Variants in INTU observed in about 807,000 individuals in gnomAD.
INTU encodes the protein protein inturned.
In INTU, 68 loss-of-function variants were observed where a neutral mutation model predicts 100.5. That is an observed-to-expected ratio of 0.68 (90% CI 0.56 to 0.83). The LOEUF (loss-of-function observed/expected upper bound fraction) is 0.83. INTU is among the 40% of genes least tolerant of loss of function. The pLI is 0.00. For synonymous variants in INTU, 357 were observed against 395.7 expected (o/e 0.90, Z 1.16); for missense variants, 1,071 against 1,114.7 (o/e 0.96, Z 0.56).
At chr4:127,633,238 G>A in intron 1 of INTU, 58 bp downstream of exon 1, 1 of 1,559,152 alleles carries the variant, frequency 6.4e-7, no homozygotes, top group East Asian at 2.3e-5. Context: ...GAATATACAC[G>A]TGGGCTGGGG....
Position 127,684,458 on chromosome 4 carries a change from T to A in INTU, c.1231T>A (p.Leu411Ile). The change falls in exon 7 of 16, where the codon TTA (leucine) becomes ATA (isoleucine). Residue 411 changes from leucine (L) to isoleucine (I), a missense_variant. Transcript: ENST00000335251. Reference protein sequence around the residue: ...RNMIENVIQTLKFMYGSLDSA... With the variant: ...RNMIENVIQTIKFMYGSLDSA... ...CATGATAGAAAATGTCATCCAAACC[T>A]TAAAATTTATGTATGGTTCTTTAGA... The A allele has an allele frequency of 6.3e-7, 1 of 1,599,630 alleles. No homozygotes were observed. Among genetic ancestry groups the A allele is most frequent in the African/African-American group, 1.3e-5 (1 of 74,494 alleles).
At chr4:127,648,064 G>T (rs1727669898) in intron 2 of INTU, among the ~76,000 whole-genome samples, 1 of 152,042 alleles carries the variant, frequency 6.6e-6, no homozygotes. Context: ...ATTTTATTTG[G>T]TTCTTAAATA....
intron 2 of INTU, among the ~76,000 whole-genome samples, chr4:127,655,482 G>C (rs1228421148): frequency 6.6e-6 from 1 of 150,958 alleles, no homozygotes; most frequent in Non-Finnish European, 1.5e-5. Context: ...ATACCCTGCC[G>C]TGTGAGGTGT....
At chr4:127,657,284 C>T (rs150028804) in intron 3 of INTU, among the ~76,000 whole-genome samples, 3 of 152,156 alleles carry the variant, frequency 2.0e-5, no homozygotes, top group Non-Finnish European at 2.9e-5. Flanking sequence ...TAAACATTGA[C>T]ATTGTGTATC....
chr4:127,651,511 C>A (rs1206931782), intron 2 of INTU, among the ~76,000 whole-genome samples: 2 of 152,170 alleles, frequency 1.3e-5, no homozygotes, highest in Admixed American at 1.3e-4. Flanking sequence ...TCAGGTTTGT[C>A]AAAGATCTGA....
chr4:127,645,899 T>C (rs1727561129), intron 2 of INTU, among the ~76,000 whole-genome samples: 1 of 152,052 alleles, frequency 6.6e-6, no homozygotes, highest in South Asian at 2.1e-4. Context: ...ATTATTTGGA[T>C]AGGCCTGGCG....
In INTU at chr4:127,681,707, T is replaced by A. The variant is rs1373770816; in HGVS notation, c.1182-2702T>A. ...CATAGGCATGGGCAAGGACTTCATA[T>A]CTAAAACACCAAAAGCAGTGGCAAC... is the stretch of plus-strand genomic sequence containing the variant. On this transcript the variant is annotated intron_variant, in intron 6 of 15. Coordinates refer to ENST00000335251, the MANE Select transcript of INTU (RefSeq NM_015693.4). Among the ~76,000 whole-genome samples, 3 of 152,130 alleles carry A rather than the reference T, an allele frequency of 2.0e-5. No homozygotes were observed. The East Asian group carries it at 5.8e-4, about 29-fold the overall frequency.
At chr4:127,638,272 CAT>C (rs1727161472) in intron 1 of INTU, among the ~76,000 whole-genome samples, 1 of 152,206 alleles carries the variant, frequency 6.6e-6, no homozygotes, top group Admixed American at 6.5e-5. Flanking sequence ...ATTAGCACCA[CAT>C]AACTATATGT....
chr4:127,671,445 TA>T lies in INTU; in HGVS notation c.1091+2295del, dbSNP rs1728921557. 2.0e-5 allele frequency among the ~76,000 whole-genome samples: 3 copies of T among 151,984 alleles called. No individual in the cohort carries two copies. The South Asian group carries it at 6.2e-4, about 32-fold the overall frequency. Reference sequence around the variant, plus strand: ...TTACACCAGTCAGAATGGCTATTATTAAAAGGTCAAAAAATAACAGATGCTG... The same window carrying T: ...TTACACCAGTCAGAATGGCTATTATTAAAGGTCAAAAAATAACAGATGCTG... On this transcript the variant is annotated intron_variant, in intron 5 of 15. Coordinates refer to ENST00000335251, the MANE Select transcript of INTU (RefSeq NM_015693.4).
chr4:127,633,120 A>G lies in INTU; in HGVS notation c.86A>G (p.Tyr29Cys), dbSNP rs200213779. 3 of 1,614,118 alleles carry G rather than the reference A, an allele frequency of 1.9e-6. No individual in the cohort carries two copies. Among genetic ancestry groups the G allele is most frequent in the Non-Finnish European group, 2.5e-6 (3 of 1,179,972 alleles). The stretch of plus-strand genomic sequence containing the variant: ...TCTTCACAAGAAGAAGATGAGGACT[A>G]TGATTTTGAAGATCGGGTCAGCGAC... Reference protein sequence around the residue: ...DPSSQEEDEDYDFEDRVSDSG... With the variant: ...DPSSQEEDEDCDFEDRVSDSG... Residue 29 changes from tyrosine to cysteine, a missense_variant, in exon 1 of 16, where the codon TAT (tyrosine) becomes TGT (cysteine). By Grantham distance (194) the Tyr-to-Cys change is radical (BLOSUM62 -2). Transcript: ENST00000335251.
chr4:127,674,729 A>C (rs2126213293), intron 6 of INTU, among the ~76,000 whole-genome samples: 1 of 152,302 alleles, frequency 6.6e-6, no homozygotes, highest in East Asian at 1.9e-4. Context: ...TTATTTTAAT[A>C]GTTGGAGGTA....
At chr4:127,657,696 C>T (rs62334032) in intron 3 of INTU, among the ~76,000 whole-genome samples, 2,794 of 151,850 alleles carry the variant, frequency 0.018, 49 homozygotes, top group Middle Eastern at 0.054. Context: ...AGGTTGTATG[C>T]TCCTTATGAG....
Position 127,656,623 on chromosome 4 carries a change from A to T in INTU, c.683-13A>T, listed in dbSNP as rs376956929. 9.6e-5 allele frequency: 152 copies of T among 1,585,318 alleles called. No individual in the cohort carries two copies. The highest frequency in any genetic ancestry group is 1.2e-4 in the Non-Finnish European group (142 of 1,154,824). On this transcript the variant is annotated splice_polypyrimidine_tract_variant and intron_variant, in intron 2 of 15. Coordinates refer to ENST00000335251, the MANE Select transcript of INTU (RefSeq NM_015693.4). ...ATTCATAAAACTATCTTTTATTGTT[A>T]TTCTGGTTTCAGGTGATGTCCTTGT...
chr4:127,640,452 A>G (rs1727260893), intron 1 of INTU, among the ~76,000 whole-genome samples: 2 of 149,510 alleles, frequency 1.3e-5, no homozygotes, highest in African/African-American at 5.0e-5. Flanking sequence ...TCTTAAAATG[A>G]TGTATATTTA....
At chr4:127,673,655 G>A (rs1268432831) in intron 5 of INTU, among the ~76,000 whole-genome samples, 1 of 151,000 alleles carries the variant, frequency 6.6e-6, no homozygotes, top group Non-Finnish European at 1.5e-5. Context: ...GGAGTGCAGT[G>A]GCACAATCTT....
intron 6 of INTU, among the ~76,000 whole-genome samples, chr4:127,675,555 G>A (rs1729136671): frequency 6.6e-6 from 1 of 152,156 alleles, no homozygotes; most frequent in South Asian, 2.1e-4. Flanking sequence ...TCGTGGTTCA[G>A]GAATCCAGGA....
intron 4 of INTU, among the ~76,000 whole-genome samples, chr4:127,668,466 T>TG (rs765290146): frequency 3.3e-5 from 5 of 151,916 alleles, no homozygotes; most frequent in African/African-American, 4.8e-5. Flanking sequence ...TATAATATCG[T>TG]GACACTTTTT....
At position 127,700,048 on chromosome 4, in the gene INTU, A is replaced by G. The variant is rs764640877; in HGVS notation, c.1488A>G (p.Ala496=). ...LDMALSDLEA[A]DFAELSEDYY... ...TGGCATTAAGTGACTTGGAGGCTGCAGATTTTGCAGAACTGGTAAGGGAAG... is the reference window on the plus strand; with the variant it reads ...TGGCATTAAGTGACTTGGAGGCTGCGGATTTTGCAGAACTGGTAAGGGAAG... Residue 496 remains alanine, a synonymous_variant, in exon 9 of 16, where the codon GCA becomes GCG. Coordinates refer to ENST00000335251, the MANE Select transcript of INTU (RefSeq NM_015693.4). 6.2e-7 allele frequency: 1 copy of G among 1,607,046 alleles called. No individual in the cohort carries two copies. The highest frequency in any genetic ancestry group is 8.5e-7 in the Non-Finnish European group (1 of 1,176,616).
rs377528224 is a variant in INTU at position 127,699,989 on chromosome 4, CTTT to C, written c.1450-10_1450-8del. On this transcript the variant is annotated intron_variant, in intron 8 of 15. Transcript: ENST00000335251. ...ATATGAGTCAAATGTTTATGTTACTCTTTTTTTTTTTTTAACATAGATGGAATT... is the reference window on the plus strand; with the variant it reads ...ATATGAGTCAAATGTTTATGTTACTCTTTTTTTTTTAACATAGATGGAATT... The C allele has an allele frequency of 1.7e-4, 216 of 1,305,526 alleles. No individual in the cohort carries two copies. Among genetic ancestry groups the C allele is most frequent in the South Asian group, 5.6e-4 (38 of 67,586 alleles). The allele number at this position is 1,305,526 out of a possible 1,614,324, so 80.9% of individuals were successfully genotyped here.
Sources: allele counts gnomAD v4.1 joint callset (sites outside exome capture counted in the v4.1 genomes callset), GRCh38; gene constraint gnomAD v4.1.1; transcripts MANE v1.5; gene names NCBI Gene and HGNC (gene_info 2026-07-23, HGNC 2026-07-21).